DDX52: variants seen among roughly 807,000 people sequenced by gnomAD.
DDX52 encodes DExD-box helicase 52.
In DDX52, 59 loss-of-function variants were observed where a neutral mutation model predicts 76.1. The observed-to-expected ratio is 0.78, with a 90% CI of 0.63 to 0.96. DDX52 has a LOEUF of 0.96. DDX52 is among the 40% of genes least tolerant of loss of function. The probability of loss-of-function intolerance (pLI) is 0.00; values close to 1 mark genes in which losing one functional copy is unlikely to be tolerated. For synonymous variants in DDX52, 231 were observed against 244.1 expected (o/e 0.95, Z 0.50); for missense variants, 707 against 703.9 (o/e 1.00, Z -0.05).
At chr17:37,642,344 C>T (rs747323278) in intron 1 of DDX52, 36 bp from the exon 2 acceptor site, 8 of 1,580,890 alleles carry the variant, frequency 5.1e-6, no homozygotes, top group Non-Finnish European at 6.0e-6. Context: ...AACCTACTGA[C>T]AGAATACCAT....
intron 4 of DDX52, 153 bp downstream of exon 4, chr17:37,631,960 T>C (rs1016585033): frequency 2.9e-6 from 3 of 1,026,796 alleles, no homozygotes; most frequent in Admixed American, 4.8e-5. Flanking sequence ...ACAACTTTTA[T>C]GGAGGCACAG....
At position 37,625,914 on chromosome 17, in the gene DDX52, T is replaced by C. The variant is rs2030344494; in HGVS notation, c.1117A>G (p.Ser373Gly). ...WCKLNLDNVI[S>G]VSIGARNSAV... is the part of the protein sequence containing the mutation. ...AAATACCTTGCTCCAATGGACACAC[T>C]GATGACATTGTCCAGGTTGAGTTTG... The change falls in exon 8 of 15, where the codon AGT becomes GGT. Residue 373 changes from serine to glycine, a missense_variant. Coordinates refer to ENST00000617633, the MANE Select transcript of DDX52 (RefSeq NM_007010.5). 1 of 1,614,082 alleles carries C rather than the reference T, an allele frequency of 6.2e-7. No homozygotes were observed. Among genetic ancestry groups the C allele is most frequent in the Non-Finnish European group, 8.5e-7 (1 of 1,179,970 alleles).
At chr17:37,638,745 A>G (rs2031043863) in intron 2 of DDX52, among the ~76,000 whole-genome samples, 1 of 151,088 alleles carries the variant, frequency 6.6e-6, no homozygotes, top group African/African-American at 2.4e-5. Flanking sequence ...ACTACAAATA[A>G]GAAAACATGG....
intron 4 of DDX52, chr17:37,631,149 G>A (rs947934914): frequency 3.9e-5 from 6 of 152,082 alleles, no homozygotes; most frequent in African/African-American, 7.2e-5. Flanking sequence ...AGGCCATCTC[G>A]GTTACATGGG....
intron 6 of DDX52, among the ~76,000 whole-genome samples, chr17:37,627,068 C>A (rs1056785245): frequency 1.3e-5 from 2 of 152,158 alleles, no homozygotes; most frequent in African/African-American, 4.8e-5. Flanking sequence ...TGTCACCCAG[C>A]CTGGATGGAG....
intron 6 of DDX52, among the ~76,000 whole-genome samples, 178 bp downstream of exon 6, chr17:37,628,383 G>T (rs147428112): frequency 4.6e-5 from 7 of 152,098 alleles, no homozygotes; most frequent in Admixed American, 2.0e-4. Flanking sequence ...AGAACTACTG[G>T]TATATATTTA....
chr17:37,643,107 G>A (rs1240134816), intron 1 of DDX52: 4 of 409,624 alleles, frequency 9.8e-6, no homozygotes, highest in Non-Finnish European at 4.3e-6. Context: ...GGGTTTCCGT[G>A]CCAGGCCCAA....
Position 37,610,582 on chromosome 17 carries a change from T to C in DDX52, c.*3714A>G, listed in dbSNP as rs765937387. ...TCAAGGTTTTTACTGGGTAATAATT[T>C]GTAATAAGTTATTAGGCACAAACCA... On this transcript the variant is annotated 3_prime_UTR_variant, in exon 15 of 15. Transcript: ENST00000617633. 1 of 152,210 alleles carries C rather than the reference T, an allele frequency of 6.6e-6. No homozygotes were observed. Among genetic ancestry groups the C allele is most frequent in the Non-Finnish European group, 1.5e-5 (1 of 68,028 alleles). 9.4% of individuals were successfully genotyped at this position (152,210 alleles called of 1,614,324 possible). A position where few individuals can be genotyped will look rare whatever the true frequency, so the allele number is the denominator to read the frequency against.
Position 37,612,384 on chromosome 17 carries a change from A to C in DDX52, c.*1912T>G, listed in dbSNP as rs1368197695. On this transcript the variant is annotated 3_prime_UTR_variant, in exon 15 of 15. Transcript: ENST00000617633. ...GAGCCACTACGCCTGGCCAAGAAAAATATTTTCAATAAATTTAGTATAGGT... is the reference window on the plus strand; with the variant it reads ...GAGCCACTACGCCTGGCCAAGAAAACTATTTTCAATAAATTTAGTATAGGT... The C allele has an allele frequency of 6.6e-6, 1 of 152,122 alleles. No individual in the cohort carries two copies. The highest frequency in any genetic ancestry group is 1.5e-5 in the Non-Finnish European group (1 of 68,038). 9.4% of individuals were successfully genotyped at this position (152,122 alleles called of 1,614,324 possible).
At chr17:37,635,413 C>T (rs2030879406) in intron 2 of DDX52, 3 of 313,472 alleles carry the variant, frequency 9.6e-6, no homozygotes, top group Non-Finnish European at 1.9e-5. Context: ...TAATTTCTGC[C>T]ACTATAGACT....
intron 2 of DDX52, among the ~76,000 whole-genome samples, chr17:37,639,171 G>A (rs183932098): frequency 1.3e-5 from 2 of 152,176 alleles, no homozygotes; most frequent in East Asian, 1.9e-4. Flanking sequence ...ACATAATATG[G>A]CAGACATAGA....
At chr17:37,620,826 A>G (rs938528746) in intron 12 of DDX52, 47 bp downstream of exon 12, 6 of 1,528,004 alleles carry the variant, frequency 3.9e-6, no homozygotes, top group African/African-American at 1.4e-5. Context: ...ATATAAGAAT[A>G]ATGAAGCAAT....
chr17:37,623,173 G>A (rs1728703778), intron 9 of DDX52, among the ~76,000 whole-genome samples: 1 of 152,144 alleles, frequency 6.6e-6, no homozygotes, highest in South Asian at 2.1e-4. Flanking sequence ...GCCTACCCCA[G>A]TTTAAAAGCC....
chr17:37,641,551 A>G (rs2031201278), intron 2 of DDX52, among the ~76,000 whole-genome samples: 2 of 152,096 alleles, frequency 1.3e-5, no homozygotes, highest in South Asian at 4.1e-4. Context: ...ATCGTGGCCA[A>G]CATGGTGAAA....
In DDX52 at chr17:37,610,581, T is replaced by C. The variant is rs2064317414; in HGVS notation, c.*3715A>G. 1.3e-5 allele frequency: 2 copies of C among 152,194 alleles called. No homozygotes were observed. The highest frequency in any genetic ancestry group is 2.4e-5 in the African/African-American group (1 of 41,442). The allele number at this position is 152,194 out of a possible 1,614,324, so 9.4% of individuals were successfully genotyped here. On this transcript the variant is annotated 3_prime_UTR_variant, in exon 15 of 15. Coordinates refer to ENST00000617633, the MANE Select transcript of DDX52 (RefSeq NM_007010.5). ...CTCAAGGTTTTTACTGGGTAATAAT[T>C]TGTAATAAGTTATTAGGCACAAACC...
chr17:37,630,645 T>G (rs902451062), intron 4 of DDX52, among the ~76,000 whole-genome samples: 2 of 150,840 alleles, frequency 1.3e-5, no homozygotes, highest in African/African-American at 2.4e-5. Flanking sequence ...CTGTGTTTTT[T>G]TTTTTTTTTT....
At position 37,613,165 on chromosome 17, in the gene DDX52, A is replaced by C. The variant is rs1427847000; in HGVS notation, c.*1131T>G. 1 of 152,250 alleles carries C rather than the reference A, an allele frequency of 6.6e-6. No homozygotes were observed. The highest frequency in any genetic ancestry group is 1.5e-5 in the Non-Finnish European group (1 of 68,038). 9.4% of individuals were successfully genotyped at this position (152,250 alleles called of 1,614,324 possible). ...TTCTGTGGTAGTACTGATAACATTC[A>C]AGTCATTCTTAGGCACCAGTCTTAC... is the stretch of plus-strand genomic sequence containing the variant. On this transcript the variant is annotated 3_prime_UTR_variant, in exon 15 of 15. Coordinates refer to ENST00000617633, the MANE Select transcript of DDX52 (RefSeq NM_007010.5).
At chr17:37,616,421 G>A (rs991860319) in intron 14 of DDX52, among the ~76,000 whole-genome samples, 5 of 152,172 alleles carry the variant, frequency 3.3e-5, no homozygotes. Context: ...CGAGGTGGGA[G>A]ATCACATGAG....
chr17:37,611,948 C>G lies in DDX52; in HGVS notation c.*2348G>C, dbSNP rs2064370757. 7.6e-6 allele frequency: 1 copy of G among 131,594 alleles called. No individual in the cohort carries two copies. The highest frequency in any genetic ancestry group is 2.9e-5 in the African/African-American group (1 of 34,226). The allele number at this position is 131,594 out of a possible 1,614,324, so 8.2% of individuals were successfully genotyped here. A position where few individuals can be genotyped will look rare whatever the true frequency, so the allele number is the denominator to read the frequency against. ...TAAACTCCAAATTAGGTAACAGACC[C>G]TGTTTCTCAAAAAAAAAAAAAAAAA... On this transcript the variant is annotated 3_prime_UTR_variant, in exon 15 of 15. Coordinates refer to ENST00000617633, the MANE Select transcript of DDX52 (RefSeq NM_007010.5).
Sources: allele counts gnomAD v4.1 joint callset (sites outside exome capture counted in the v4.1 genomes callset), GRCh38; gene constraint gnomAD v4.1.1; transcripts MANE v1.5; gene names NCBI Gene and HGNC (gene_info 2026-07-23, HGNC 2026-07-21).